Variants in FTO observed in about 807,000 individuals in gnomAD.
The protein encoded by FTO is FTO alpha-ketoglutarate dependent dioxygenase.
In FTO, 47 loss-of-function variants were observed where a neutral mutation model predicts 63.9. The ratio of observed to expected loss-of-function variants is 0.74; its 90% CI spans 0.58 to 0.94. The LOEUF (loss-of-function observed/expected upper bound fraction) is 0.94, where lower values mean the gene tolerates loss of function less well. FTO is among the 40% of genes least tolerant of loss of function. The probability of loss-of-function intolerance (pLI) is 0.00; values close to 1 mark genes in which losing one functional copy is unlikely to be tolerated. For synonymous variants in FTO, 207 were observed against 224.4 expected (o/e 0.92, Z 0.69); for missense variants, 562 against 618.1 (o/e 0.91, Z 0.96).
intron 8 of FTO, among the ~76,000 whole-genome samples, chr16:54,029,830 C>G (rs1269099002): frequency 6.6e-6 from 1 of 152,154 alleles, no homozygotes; most frequent in East Asian, 1.9e-4. Context: ...ATTCCTGTCT[C>G]TAGGTAGCAA....
intron 7 of FTO, among the ~76,000 whole-genome samples, chr16:53,896,457 A>C (rs1406061422): frequency 1.3e-5 from 2 of 152,144 alleles, no homozygotes; most frequent in African/African-American, 2.4e-5. Context: ...TAATAATAAT[A>C]ATCACCAGAC....
intron 3 of FTO, among the ~76,000 whole-genome samples, chr16:53,828,330 C>A (rs2079063204): frequency 6.6e-6 from 1 of 152,210 alleles, no homozygotes. Flanking sequence ...CGCCATTCTT[C>A]TGCCTCAGCC....
chr16:54,055,665 C>T (rs1014745662), intron 8 of FTO, among the ~76,000 whole-genome samples: 3 of 151,986 alleles, frequency 2.0e-5, no homozygotes, highest in Non-Finnish European at 2.9e-5. Context: ...AGAAACAAGT[C>T]GATTCTTGGA....
At chr16:53,743,247 G>A (rs1481835384) in intron 1 of FTO, among the ~76,000 whole-genome samples, 3 of 152,046 alleles carry the variant, frequency 2.0e-5, no homozygotes, top group East Asian at 1.9e-4. Flanking sequence ...CACTGTGGTC[G>A]GAATGAAAGC....
intron 8 of FTO, among the ~76,000 whole-genome samples, chr16:53,978,459 C>T (rs1194734067): frequency 6.6e-6 from 1 of 152,138 alleles, no homozygotes; most frequent in East Asian, 1.9e-4. Flanking sequence ...TACATATGCT[C>T]CTTCATTATT....
intron 7 of FTO, among the ~76,000 whole-genome samples, chr16:53,931,432 G>A (rs2082281354): frequency 6.7e-6 from 1 of 150,202 alleles, no homozygotes; most frequent in South Asian, 2.1e-4. Flanking sequence ...TCAGCCTCCC[G>A]AATAGCTGGG....
In FTO at chr16:54,118,211, G is replaced by A. The variant is rs567657210; in HGVS notation, c.*6296G>A. 1 of 152,328 alleles carries A rather than the reference G, an allele frequency of 6.6e-6. No homozygotes were observed. Among genetic ancestry groups the A allele is most frequent in the African/African-American group, 2.4e-5 (1 of 41,572 alleles). The allele number at this position is 152,328 out of a possible 1,614,324, so 9.4% of individuals were successfully genotyped here. The stretch of plus-strand genomic sequence containing the variant: ...GGGAAGTGCTGGCCTAGGACAGCAA[G>A]GTGCCCTACAGGTGGGGCCAAAAGG... On this transcript the variant is annotated 3_prime_UTR_variant, in exon 9 of 9. Coordinates refer to ENST00000471389, the MANE Select transcript of FTO (RefSeq NM_001080432.3).
chr16:53,774,607 A>G (rs1248926591), intron 1 of FTO, among the ~76,000 whole-genome samples: 1 of 152,226 alleles, frequency 6.6e-6, no homozygotes, highest in East Asian at 1.9e-4. Flanking sequence ...TAAACCCTTT[A>G]TATATGTCTG....
At chr16:53,907,122 A>T (rs1170056544) in intron 7 of FTO, among the ~76,000 whole-genome samples, 1 of 152,174 alleles carries the variant, frequency 6.6e-6, no homozygotes, top group Admixed American at 6.5e-5. Context: ...TAGGATAAAG[A>T]CTAAAATATA....
intron 8 of FTO, among the ~76,000 whole-genome samples, chr16:54,085,008 G>A (rs1364832770): frequency 2.0e-5 from 3 of 151,974 alleles, no homozygotes; most frequent in Non-Finnish European, 4.4e-5. Context: ...AAGGTCCAAG[G>A]TAATGTATTG....
At chr16:53,738,731 C>T (rs536089277) in intron 1 of FTO, among the ~76,000 whole-genome samples, 2 of 152,314 alleles carry the variant, frequency 1.3e-5, no homozygotes, top group Admixed American at 1.3e-4. Flanking sequence ...TTCTCTACAC[C>T]CTTGCCAACA....
At chr16:53,859,559 A>G (rs2080110913) in intron 4 of FTO, among the ~76,000 whole-genome samples, 2 of 149,372 alleles carry the variant, frequency 1.3e-5, no homozygotes, top group South Asian at 2.1e-4. Context: ...ATATTTATAT[A>G]TATATCATAT....
At position 53,767,803 on chromosome 16, in the gene FTO, C is replaced by T. The variant is rs892973408; in HGVS notation, c.46-42337C>T. Among the ~76,000 whole-genome samples the T allele has an allele frequency of 1.3e-4, 20 of 152,060 alleles. No homozygotes were observed. In the East Asian group the frequency reaches 2.7e-3, roughly 21 times the overall value. ...AACAATCAAGGAATATATTATTCACCGGCCTGAAGTATAGAAAGAGTTCCC... is the reference window on the plus strand; with the variant it reads ...AACAATCAAGGAATATATTATTCACTGGCCTGAAGTATAGAAAGAGTTCCC... On this transcript the variant is annotated intron_variant, in intron 1 of 8. Coordinates refer to ENST00000471389, the MANE Select transcript of FTO (RefSeq NM_001080432.3).
chr16:53,927,163 A>G (rs2082164205), intron 7 of FTO, among the ~76,000 whole-genome samples: 1 of 152,206 alleles, frequency 6.6e-6, no homozygotes, highest in Non-Finnish European at 1.5e-5. Context: ...AGGCCATTAC[A>G]TGGTCCAGAA....
At chr16:53,714,631 GTAAA>G (rs1567921172) in intron 1 of FTO, among the ~76,000 whole-genome samples, 2 of 152,110 alleles carry the variant, frequency 1.3e-5, no homozygotes. Context: ...TGTTATTTAG[GTAAA>G]TAGTGTGCAA....
intron 2 of FTO, among the ~76,000 whole-genome samples, chr16:53,817,947 A>C (rs1182717717): frequency 6.6e-6 from 1 of 152,214 alleles, no homozygotes; most frequent in Non-Finnish European, 1.5e-5. Context: ...GACAACTGCT[A>C]ATATAAATTT....
intron 8 of FTO, among the ~76,000 whole-genome samples, chr16:53,987,130 A>T (rs2083686581): frequency 6.6e-6 from 1 of 152,190 alleles, no homozygotes; most frequent in Non-Finnish European, 1.5e-5. Flanking sequence ...CTCTAAAAAA[A>T]TTAAAAAAAA....
intron 8 of FTO, chr16:54,040,504 C>A (rs2085046660): frequency 6.6e-6 from 1 of 152,160 alleles, no homozygotes; most frequent in Non-Finnish European, 1.5e-5. Context: ...TGGGAGAAAC[C>A]CGTGTTAAAC....
At chr16:53,914,704 C>A (rs939110624) in intron 7 of FTO, among the ~76,000 whole-genome samples, 1 of 152,170 alleles carries the variant, frequency 6.6e-6, no homozygotes, top group Non-Finnish European at 1.5e-5. Flanking sequence ...TTAAGGGACT[C>A]ACTAAAATAT....
Sources: gnomAD v4.1 joint callset for allele counts (sites outside exome capture counted in the v4.1 genomes callset) on GRCh38, gnomAD v4.1.1 for gene constraint, MANE v1.5 for transcripts, NCBI Gene and HGNC (gene_info 2026-07-23, HGNC 2026-07-21) for gene names.